IPO4: variants seen among roughly 807,000 people sequenced by gnomAD.
IPO4 encodes importin 4.
IPO4 carries 91 observed loss-of-function variants against 133.5 expected under a neutral mutation model. The ratio of observed to expected loss-of-function variants is 0.68; its 90% CI spans 0.58 to 0.81. The LOEUF (loss-of-function observed/expected upper bound fraction) is 0.81. IPO4 is among the 30% of genes least tolerant of loss of function. IPO4 has a pLI of 0.00. For missense variants in IPO4, 1,279 were observed against 1,386.2 expected (o/e 0.92, Z 1.23); for synonymous variants, 607 against 581.6 (o/e 1.04, Z -0.63).
rs538243286 is a variant in IPO4, at chr14:24,184,513, C to T, written c.1637-95G>A. 40 of 1,488,292 alleles carry T rather than the reference C, an allele frequency of 2.7e-5. No homozygotes were observed. In the East Asian group the frequency reaches 9.1e-4, roughly 34 times the overall value. The allele number at this position is 1,488,292 out of a possible 1,614,324, so 92.2% of individuals were successfully genotyped here. ...GAGGGATTCAGAAATCCCGCCCCACCCCTTGGTACAGCATGAAGCACACCC... is the reference window on the plus strand; with the variant it reads ...GAGGGATTCAGAAATCCCGCCCCACTCCTTGGTACAGCATGAAGCACACCC... On this transcript the variant is annotated intron_variant, in intron 16 of 29. Transcript: ENST00000354464.
rs761647098 is a variant in IPO4 at position 24,187,647 on chromosome 14, T to C, written c.408+20A>G. On this transcript the variant is annotated intron_variant, in intron 5 of 29. Transcript: ENST00000354464. The stretch of plus-strand genomic sequence containing the variant: ...ATCCAGCCTCTCAGGCCCTCCCTCC[T>C]GCCAACCATGTGATGGTACCTCTCT... 10 of 1,613,746 alleles carry C rather than the reference T, an allele frequency of 6.2e-6. No individual in the cohort carries two copies. Among genetic ancestry groups the C allele is most frequent in the Non-Finnish European group, 6.8e-6 (8 of 1,179,618 alleles).
At chr14:24,186,011 G>C (rs1384174242) in intron 11 of IPO4, 41 bp from the exon 12 acceptor site, 11 of 1,602,722 alleles carry the variant, frequency 6.9e-6, no homozygotes, top group Non-Finnish European at 9.4e-6. Context: ...CCCAGCAAGA[G>C]CCTGCCCATT....
At chr14:24,184,572 G>T in intron 16 of IPO4, 78 bp downstream of exon 16, 1 of 1,407,670 alleles carries the variant, frequency 7.1e-7, no homozygotes. Flanking sequence ...GTGCTCCTGT[G>T]GGGGCAATCT....
Position 24,182,293 on chromosome 14 carries a change from T to C in IPO4, c.2583A>G (p.Leu861=). 6.2e-7 allele frequency: 1 copy of C among 1,614,016 alleles called. No homozygotes were observed. The highest frequency in any genetic ancestry group is 1.1e-5 in the South Asian group (1 of 91,086). Residue 861 remains leucine (L), a synonymous_variant, in exon 25 of 30, where the codon TTA becomes TTG. Transcript: ENST00000354464. ...GGACACTCACTGTCTTGCACACCAA[T>C]AATGGCAGGAAACCGGCAAAGAATG... ...FAPFFAGFLP[L]LVCKTKQGCT... is the part of the protein sequence containing the mutation.
chr14:24,182,751 G>A (rs770941867), intron 24 of IPO4, 41 bp downstream of exon 24: 3 of 1,609,334 alleles, frequency 1.9e-6, no homozygotes, highest in African/African-American at 2.7e-5. Context: ...TGTGGAGACT[G>A]CCTGGACCGC....
In IPO4 at chr14:24,183,247, C is replaced by T. The variant is rs773235707; in HGVS notation, c.2227+3G>A. Reference sequence around the variant, plus strand: ...CCCCCAGCCTGGCCCAGCCTCTCCTCACCAGCAGTGTTGGGTTCCGAGGGG... The same window carrying T: ...CCCCCAGCCTGGCCCAGCCTCTCCTTACCAGCAGTGTTGGGTTCCGAGGGG... On this transcript the variant is annotated splice_donor_region_variant and intron_variant, in intron 22 of 29. Coordinates refer to ENST00000354464, the MANE Select transcript of IPO4 (RefSeq NM_024658.4). 1.6e-5 allele frequency: 26 copies of T among 1,613,336 alleles called. No homozygotes were observed. In the East Asian group the frequency reaches 5.6e-4, roughly 35 times the overall value.
rs377299806 is a variant in IPO4 at position 24,187,538 on chromosome 14, G to A, written c.450C>T (p.Pro150=). The change falls in exon 6 of 30, where the codon CCC becomes CCT. Residue 150 remains proline, a synonymous_variant. Coordinates refer to ENST00000354464, the MANE Select transcript of IPO4 (RefSeq NM_024658.4). ...CCCGGTGGTGGGGTTGGAAGGCCTC[G>A]GGCCGGGAGGTCACCACCACACTTA... The part of the protein sequence containing the change: ...LLLSVVVTSR[P]EAFQPHHREL... 5.0e-6 allele frequency: 8 copies of A among 1,613,960 alleles called. No homozygotes were observed. Among genetic ancestry groups the A allele is most frequent in the Middle Eastern group, 1.6e-4 (1 of 6,084 alleles).
intron 11 of IPO4, 67 bp from the exon 12 acceptor site, chr14:24,186,037 C>T (rs1439704805): frequency 1.3e-6 from 2 of 1,592,170 alleles, no homozygotes; most frequent in African/African-American, 1.3e-5. Flanking sequence ...GGTAATAGGC[C>T]TTCACACCTC....
rs1298787174 is a variant in IPO4 at position 24,183,532 on chromosome 14, C to T, written c.2064-19G>A. On this transcript the variant is annotated intron_variant, in intron 20 of 29. Transcript: ENST00000354464. ...GGCCACACTACAGAGAGAGACACAG[C>T]CGTGGGTAAGGGGCCCCCAGGCAGG... is the stretch of plus-strand genomic sequence containing the variant. The T allele has an allele frequency of 6.2e-7, 1 of 1,614,040 alleles. No homozygotes were observed. The highest frequency in any genetic ancestry group is 1.7e-5 in the Admixed American group (1 of 59,992).
chr14:24,184,427 G>T lies in IPO4; in HGVS notation c.1637-9C>A, dbSNP rs758837860. On this transcript the variant is annotated splice_polypyrimidine_tract_variant and intron_variant, in intron 16 of 29. Coordinates refer to ENST00000354464, the MANE Select transcript of IPO4 (RefSeq NM_024658.4). ...CAGCACCCCCAGTGTCTCTGTGGGG[G>T]CAAGGGCTCCATTAGCACCAGGAGG... is the stretch of plus-strand genomic sequence containing the variant. 6.2e-7 allele frequency: 1 copy of T among 1,606,528 alleles called. No individual in the cohort carries two copies. Among genetic ancestry groups the T allele is most frequent in the South Asian group, 1.1e-5 (1 of 90,026 alleles).
Position 24,185,223 on chromosome 14 carries a change from G to C in IPO4, c.1368C>G (p.Ala456=). 4 of 1,614,160 alleles carry C rather than the reference G, an allele frequency of 2.5e-6. No homozygotes were observed. The highest frequency in any genetic ancestry group is 3.4e-6 in the Non-Finnish European group (4 of 1,180,020). The stretch of plus-strand genomic sequence containing the variant: ...AATTCTCCAGGGCATAGCAGGCCTT[G>C]GCTAGGTGGTGTGTGTGTCCAAGAG... ...SVPLGHTHHL[A]KACYALENFV... Residue 456 remains alanine, a synonymous_variant, in exon 14 of 30, where the codon GCC becomes GCG. Transcript: ENST00000354464.
In IPO4 at chr14:24,184,378, CAT is replaced by C; in HGVS notation, c.1675_1676del (p.Met559GlufsTer5). On this transcript the variant is annotated frameshift_variant, in exon 17 of 30. Coordinates refer to ENST00000354464, the MANE Select transcript of IPO4 (RefSeq NM_024658.4). LOFTEE classifies it high-confidence loss of function. Reference protein sequence around the residue: ...GVLARAVGEPMRPLAEECCQL... With the variant: ...GVLARAVGEPXRPLAEECCQL... ...GGCAGCATTCCTCAGCCAGCGGCCT[CAT>C]GGGCTCCCCCACTGCTCGTGCCAGC... is the stretch of plus-strand genomic sequence containing the variant. 5.0e-6 allele frequency: 8 copies of C among 1,608,362 alleles called. No individual in the cohort carries two copies. Among genetic ancestry groups the C allele is most frequent in the Non-Finnish European group, 6.8e-6 (8 of 1,177,860 alleles).
chr14:24,182,421 G>A lies in IPO4; in HGVS notation c.2473-18C>T, dbSNP rs780257782. The A allele has an allele frequency of 3.9e-5, 61 of 1,569,654 alleles. No individual in the cohort carries two copies. Among genetic ancestry groups the A allele is most frequent in the Non-Finnish European group, 5.1e-5 (59 of 1,162,248 alleles). On this transcript the variant is annotated intron_variant, in intron 24 of 29. Transcript: ENST00000354464. Reference sequence around the variant, plus strand: ...TATTCAGCCTGTGGAGCCAGGTCAGGGGCTGGAGCACCAGGGCCAGCTCAG... The same window carrying A: ...TATTCAGCCTGTGGAGCCAGGTCAGAGGCTGGAGCACCAGGGCCAGCTCAG...
Position 24,188,640 on chromosome 14 carries a change from T to TG in IPO4, c.70-3dup, listed in dbSNP as rs1399291810. ...AACGATCTGGAGCTGTTCCGTGGCC[T>TG]GGGGGGAAGCTAGGGGTGAGAGTTG... On this transcript the variant is annotated splice_polypyrimidine_tract_variant and splice_region_variant and intron_variant, in intron 1 of 29. Transcript: ENST00000354464. The TG allele has an allele frequency of 3.1e-6, 5 of 1,610,190 alleles. No homozygotes were observed. Among genetic ancestry groups the TG allele is most frequent in the Non-Finnish European group, 2.5e-6 (3 of 1,178,330 alleles).
chr14:24,183,733 T>C (rs2039176519), intron 19 of IPO4, 50 bp downstream of exon 19: 1 of 1,614,116 alleles, frequency 6.2e-7, no homozygotes, highest in Non-Finnish European at 8.5e-7. Context: ...ACTAGGCCCT[T>C]GTCTAAAGCC....
chr14:24,180,601 G>T, intron 29 of IPO4, 29 bp from the exon 30 acceptor site: 1 of 1,612,236 alleles, frequency 6.2e-7, no homozygotes, highest in South Asian at 1.1e-5. Context: ...AGAAAGGTCG[G>T]GGCTCCTAAA....
intron 9 of IPO4, 125 bp downstream of exon 9, chr14:24,186,583 A>G: frequency 7.4e-7 from 1 of 1,348,886 alleles, no homozygotes; most frequent in Non-Finnish European, 1.0e-6. Flanking sequence ...AGCTGGGGTG[A>G]GGCCAGGCCA....
At chr14:24,185,023 T>A in intron 14 of IPO4, 43 bp from the exon 15 acceptor site, 3 of 1,596,864 alleles carry the variant, frequency 1.9e-6, no homozygotes, top group Non-Finnish European at 2.6e-6. Flanking sequence ...CCAGGTCTGC[T>A]ACCTGCACGC....
chr14:24,186,538 G>A (rs1052162972), intron 9 of IPO4, 87 bp from the exon 10 acceptor site: 1 of 1,475,888 alleles, frequency 6.8e-7, no homozygotes, highest in Non-Finnish European at 9.1e-7. Context: ...AGGCCATAAG[G>A]GGTCTGACAG....
Sources: allele counts gnomAD v4.1 joint callset, GRCh38; gene constraint gnomAD v4.1.1; transcripts MANE v1.5; gene names NCBI Gene and HGNC (gene_info 2026-07-23, HGNC 2026-07-21).